MED12L: variants seen among roughly 807,000 people sequenced by gnomAD.
MED12L encodes mediator complex subunit 12L, also known as mediator of RNA polymerase II transcription subunit 12-like protein.
MED12L carries 60 observed loss-of-function variants against 281.3 expected under a neutral mutation model. That is an observed-to-expected ratio of 0.21 (90% CI 0.17 to 0.26). The LOEUF is 0.26. Among genes scored for constraint, MED12L ranks in the 10% least tolerant of loss-of-function variants. The probability of loss-of-function intolerance (pLI) is 1.00; values close to 1 mark genes in which losing one functional copy is unlikely to be tolerated. For missense variants in MED12L, 2,146 were observed against 2,680.9 expected (o/e 0.80, Z 4.41); for synonymous variants, 974 against 987.2 (o/e 0.99, Z 0.25).
chr3:151,344,715 A>T (rs914757979), intron 16 of MED12L, among the ~76,000 whole-genome samples: 3 of 152,212 alleles, frequency 2.0e-5, no homozygotes, highest in African/African-American at 7.2e-5. Flanking sequence ...CATCCACTTC[A>T]TCTGTTTTTA....
At chr3:151,273,431 C>T (rs1360175578) in intron 16 of MED12L, among the ~76,000 whole-genome samples, 2 of 128,064 alleles carry the variant, frequency 1.6e-5, no homozygotes, top group Non-Finnish European at 3.2e-5. Flanking sequence ...TTAGTAGAGA[C>T]AGAGTTTCAC....
At chr3:151,148,059 T>C (rs971667002) in intron 5 of MED12L, among the ~76,000 whole-genome samples, 1 of 152,250 alleles carries the variant, frequency 6.6e-6, no homozygotes, top group Non-Finnish European at 1.5e-5. Flanking sequence ...TTATTATAGC[T>C]GTCCTAGCGG....
At chr3:151,205,306 A>G (rs557722138) in intron 16 of MED12L, among the ~76,000 whole-genome samples, 2 of 152,208 alleles carry the variant, frequency 1.3e-5, no homozygotes, top group Non-Finnish European at 2.9e-5. Flanking sequence ...GAAATAATCT[A>G]TTCATTACTT....
At chr3:151,355,265 G>A in intron 18 of MED12L, 26 bp downstream of exon 18, 1 of 1,495,820 alleles carries the variant, frequency 6.7e-7, no homozygotes, top group Non-Finnish European at 9.2e-7. Context: ...TGTTTATTAT[G>A]CATTTGCAGT....
At chr3:151,177,547 G>T (rs1327169128) in intron 11 of MED12L, among the ~76,000 whole-genome samples, 1 of 152,002 alleles carries the variant, frequency 6.6e-6, no homozygotes, top group Non-Finnish European at 1.5e-5. Flanking sequence ...TCTCACTGTC[G>T]CCTACAATCA....
At chr3:151,094,358 C>G (rs1720448750) in intron 2 of MED12L, among the ~76,000 whole-genome samples, 1 of 152,106 alleles carries the variant, frequency 6.6e-6, no homozygotes, top group Non-Finnish European at 1.5e-5. Flanking sequence ...GTTAAAATGT[C>G]AAGTCTCTTG....
At chr3:151,136,689 G>A (rs1045885408) in intron 5 of MED12L, among the ~76,000 whole-genome samples, 3 of 152,040 alleles carry the variant, frequency 2.0e-5, no homozygotes, top group African/African-American at 4.8e-5. Flanking sequence ...TTATTTCTTT[G>A]GGAATGGCAA....
intron 16 of MED12L, among the ~76,000 whole-genome samples, chr3:151,261,004 C>T (rs1017732633): frequency 6.6e-6 from 1 of 151,972 alleles, no homozygotes; most frequent in African/African-American, 2.4e-5. Flanking sequence ...CTGTGTGTTG[C>T]AGGGCAAGCA....
chr3:151,091,205 G>A (rs1225644178), intron 2 of MED12L, among the ~76,000 whole-genome samples: 4 of 152,188 alleles, frequency 2.6e-5, no homozygotes, highest in African/African-American at 4.8e-5. Context: ...AGGGACCTAC[G>A]GGAATAATGG....
chr3:151,352,594 A>G (rs1753371840), intron 17 of MED12L, among the ~76,000 whole-genome samples: 1 of 152,084 alleles, frequency 6.6e-6, no homozygotes, highest in South Asian at 2.1e-4. Flanking sequence ...TTGTGTTAGC[A>G]TGTATTTGAT....
intron 5 of MED12L, among the ~76,000 whole-genome samples, chr3:151,141,925 A>G (rs1316990436): frequency 2.0e-5 from 3 of 152,176 alleles, no homozygotes; most frequent in Non-Finnish European, 4.4e-5. Context: ...CTCCCACTTG[A>G]ATTAATCAGT....
rs1250654395 is a variant in MED12L at position 151,245,008 on chromosome 3, A to G, written c.2250+51342A>G. ...ACAAACACCTCTACGCAAATAAACT[A>G]GAAAATCTAGAAGAAATGGATAAAT... is the stretch of plus-strand genomic sequence containing the variant. On this transcript the variant is annotated intron_variant, in intron 16 of 44. Coordinates refer to ENST00000687756, the MANE Select transcript of MED12L (RefSeq NM_001393769.1). Among the ~76,000 whole-genome samples, 3 of 118,386 alleles carry G rather than the reference A, an allele frequency of 2.5e-5. No homozygotes were observed. The East Asian group carries it at 9.4e-4, about 37-fold the overall frequency. The allele number at this position is 118,386 out of a possible 152,430, so 77.7% of individuals were successfully genotyped here. A position where few individuals can be genotyped will look rare whatever the true frequency, so the allele number is the denominator to read the frequency against.
At chr3:151,252,301 G>C (rs973840485) in intron 16 of MED12L, among the ~76,000 whole-genome samples, 3 of 152,086 alleles carry the variant, frequency 2.0e-5, no homozygotes, top group Non-Finnish European at 4.4e-5. Context: ...TTTATACCTT[G>C]TGTTCCATTA....
At chr3:151,208,247 G>A (rs1726634620) in intron 16 of MED12L, among the ~76,000 whole-genome samples, 1 of 152,178 alleles carries the variant, frequency 6.6e-6, no homozygotes, top group Non-Finnish European at 1.5e-5. Context: ...GTTGAAGTTG[G>A]CTTTTATAAG....
intron 16 of MED12L, chr3:151,213,074 A>G (rs1559883899): frequency 3.2e-6 from 1 of 309,034 alleles, no homozygotes; most frequent in Non-Finnish European, 5.8e-6. Context: ...TTAATTTTTT[A>G]TTAATAGAGA....
intron 5 of MED12L, among the ~76,000 whole-genome samples, chr3:151,131,304 G>A (rs1326741954): frequency 6.6e-6 from 1 of 152,176 alleles, no homozygotes; most frequent in Admixed American, 6.5e-5. Flanking sequence ...CGATTTTAGA[G>A]CAAATAAGAG....
At chr3:151,320,916 A>G (rs1748919726) in intron 16 of MED12L, among the ~76,000 whole-genome samples, 1 of 152,220 alleles carries the variant, frequency 6.6e-6, no homozygotes, top group Non-Finnish European at 1.5e-5. Flanking sequence ...GAAAATGAGC[A>G]TGGCAATGCC....
chr3:151,344,593 G>A (rs796603311), intron 16 of MED12L, among the ~76,000 whole-genome samples: 6 of 152,280 alleles, frequency 3.9e-5, no homozygotes, highest in African/African-American at 1.4e-4. Flanking sequence ...GTTGCTATGT[G>A]CAGTTTACTT....
Position 151,418,852 on chromosome 3 carries a change from T to A in MED12L, c.6408+2430T>A, listed in dbSNP as rs149617257. Among the ~76,000 whole-genome samples, 538 of 152,362 alleles carry A rather than the reference T, an allele frequency of 3.5e-3. 2 individuals are homozygous for A. Among genetic ancestry groups the A allele is most frequent in the African/African-American group, 0.012 (507 of 41,582 alleles). The stretch of plus-strand genomic sequence containing the variant: ...TGGATGTGGAAAAATTATTTTTTTT[T>A]AATTTTTAATTCTTTTAATTATGGA... On this transcript the variant is annotated intron_variant, in intron 43 of 44. Coordinates refer to ENST00000687756, the MANE Select transcript of MED12L (RefSeq NM_001393769.1).
Sources: gnomAD v4.1 joint callset for allele counts (sites outside exome capture counted in the v4.1 genomes callset) on GRCh38, gnomAD v4.1.1 for gene constraint, MANE v1.5 for transcripts, NCBI Gene and HGNC (gene_info 2026-07-23, HGNC 2026-07-21) for gene names.